TCTN3: variants seen among roughly 807,000 people sequenced by gnomAD.
The protein encoded by TCTN3 is tectonic family member 3, also known as tectonic-3.
A neutral mutation model predicts 71.3 loss-of-function variants in TCTN3; 57 were observed. The ratio of observed to expected loss-of-function variants is 0.80; its 90% CI spans 0.65 to 1.00. The LOEUF (loss-of-function observed/expected upper bound fraction) is 1.00, where lower values mean the gene tolerates loss of function less well. Ranked by LOEUF, TCTN3 falls within the 50% of genes least tolerant of loss-of-function variation. The probability of loss-of-function intolerance (pLI) is 0.00; values close to 1 mark genes in which losing one functional copy is unlikely to be tolerated. For missense variants in TCTN3, 696 were observed against 719.9 expected (o/e 0.97, Z 0.38); for synonymous variants, 258 against 267.8 (o/e 0.96, Z 0.36).
rs982781639 is a variant in TCTN3 at position 95,684,518 on chromosome 10, T to C, written c.1076A>G (p.His359Arg). The change falls in exon 9 of 14, where the codon CAC becomes CGC. Residue 359 changes from histidine to arginine, a missense_variant. Coordinates refer to ENST00000371217, the MANE Select transcript of TCTN3 (RefSeq NM_015631.6). ...TVEPGASLQQ[H>R]FILRFRAFQQ... ...CCTAACCCTGAAGCGAAGGATGAAG[T>C]GTTGCTGTAAGGAAGCGCCTGGCTC... The C allele has an allele frequency of 6.2e-7, 1 of 1,614,060 alleles. No individual in the cohort carries two copies. Among genetic ancestry groups the C allele is most frequent in the Admixed American group, 1.7e-5 (1 of 60,026 alleles).
chr10:95,666,886 C>T (rs1335047727), intron 13 of TCTN3, among the ~76,000 whole-genome samples: 1 of 152,176 alleles, frequency 6.6e-6, no homozygotes, highest in East Asian at 1.9e-4. Flanking sequence ...CACTGCTATA[C>T]ACCCAAATCA....
rs2139747284 is a variant in TCTN3, at chr10:95,686,521, T to C, written c.862A>G (p.Ser288Gly). The C allele has an allele frequency of 6.2e-7, 1 of 1,614,140 alleles. No homozygotes were observed. Among genetic ancestry groups the C allele is most frequent in the Non-Finnish European group, 8.5e-7 (1 of 1,180,010 alleles). ...YNFTVLKVPR[S>G]MTDPQNMEFQ... ...TCCATATTCTGTGGATCAGTCATGC[T>C]TCTTGGAACCTAGGAGAACAGCAGG... is the stretch of plus-strand genomic sequence containing the variant. Residue 288 changes from serine (S) to glycine (G), a missense_variant, in exon 7 of 14, where the codon AGC becomes GGC. Physicochemically the swap from Ser to Gly is moderately conservative, Grantham distance 56 (BLOSUM62 0). Transcript: ENST00000371217.
At chr10:95,692,394 T>C (rs1241538240) in intron 3 of TCTN3, among the ~76,000 whole-genome samples, 1 of 152,054 alleles carries the variant, frequency 6.6e-6, no homozygotes, top group African/African-American at 2.4e-5. Context: ...TAGTCCCAGC[T>C]ACTCGGGAAG....
chr10:95,691,134 G>A (rs2097953138), intron 3 of TCTN3, among the ~76,000 whole-genome samples: 1 of 152,116 alleles, frequency 6.6e-6, no homozygotes, highest in Non-Finnish European at 1.5e-5. Flanking sequence ...TCATAAGGCT[G>A]GATTTAAAAG....
In TCTN3 at chr10:95,693,656, C is replaced by T. The variant is rs2097955851; in HGVS notation, c.244G>A (p.Asp82Asn). 1 of 1,551,484 alleles carries T rather than the reference C, an allele frequency of 6.4e-7. No homozygotes were observed. The highest frequency in any genetic ancestry group is 2.4e-5 in the East Asian group (1 of 40,920). The change falls in exon 1 of 14, where the codon GAC (aspartate) becomes AAC (asparagine). Residue 82 changes from aspartate (D) to asparagine (N), a missense_variant. Transcript: ENST00000371217. ...TPSAPGNRTV[D>N]LFPVLPICVC... ...CGTTTTCCCTCACCTGGGAAGAGGT[C>T]CACAGTCCTATTCCCAGGGGCCGAG... is the stretch of plus-strand genomic sequence containing the variant.
chr10:95,665,444 A>G (rs573685060), intron 13 of TCTN3, among the ~76,000 whole-genome samples: 47 of 151,990 alleles, frequency 3.1e-4, no homozygotes, highest in African/African-American at 1.1e-3. Flanking sequence ...ATGCCTAGCT[A>G]ATTTTTTTGT....
At position 95,687,666 on chromosome 10, in the gene TCTN3, C is replaced by T. The variant is rs768360391; in HGVS notation, c.553G>A (p.Ala185Thr). Residue 185 changes from alanine (A) to threonine (T), a missense_variant, in exon 4 of 14, where the codon GCC becomes ACC. Physicochemically the swap from Ala to Thr is moderately conservative, Grantham distance 58. Transcript: ENST00000371217. ...TCGCCTCCAAACTCTGCAGCCAGGG[C>T]CTGGAAGTTGGTTGCATTGACCTTT... Reference protein sequence around the residue: ...LQKVNATNFQALAAEFGGESF... With the variant: ...LQKVNATNFQTLAAEFGGESF... The T allele has an allele frequency of 6.2e-7, 1 of 1,614,016 alleles. No individual in the cohort carries two copies. Among genetic ancestry groups the T allele is most frequent in the South Asian group, 1.1e-5 (1 of 91,070 alleles).
chr10:95,693,571 T>C (rs931383748), intron 1 of TCTN3, 73 bp downstream of exon 1: 2 of 1,547,404 alleles, frequency 1.3e-6, no homozygotes, highest in African/African-American at 1.4e-5. Flanking sequence ...TCCTGCTTTG[T>C]GGCAGCTCAA....
chr10:95,674,822 A>G (rs2097935280), intron 13 of TCTN3, among the ~76,000 whole-genome samples: 1 of 150,694 alleles, frequency 6.6e-6, no homozygotes, highest in African/African-American at 2.4e-5. Flanking sequence ...CCCCATCTCT[A>G]GAATGAATGA....
intron 13 of TCTN3, among the ~76,000 whole-genome samples, chr10:95,668,526 T>C (rs771760270): frequency 2.0e-5 from 3 of 152,156 alleles, no homozygotes; most frequent in Admixed American, 6.5e-5. Context: ...ATTTTCAATC[T>C]AGAATGTTCT....
At chr10:95,691,168 G>T (rs1479945509) in intron 3 of TCTN3, among the ~76,000 whole-genome samples, 1 of 152,114 alleles carries the variant, frequency 6.6e-6, no homozygotes. Context: ...TGGAAAAGAA[G>T]AGACAACTTT....
intron 3 of TCTN3, among the ~76,000 whole-genome samples, chr10:95,690,980 T>C (rs2097952973): frequency 6.6e-6 from 1 of 152,156 alleles, no homozygotes; most frequent in Non-Finnish European, 1.5e-5. Context: ...CTATTGGAAG[T>C]GGCCATATTC....
At chr10:95,671,075 A>G (rs1208925854) in intron 13 of TCTN3, among the ~76,000 whole-genome samples, 2 of 152,198 alleles carry the variant, frequency 1.3e-5, no homozygotes, top group Non-Finnish European at 2.9e-5. Context: ...TTGTGTTTTA[A>G]AAGTTATAGA....
At chr10:95,688,397 GAAAAAAAAAAA>G (rs60722894) in intron 3 of TCTN3, among the ~76,000 whole-genome samples, 2 of 104,592 alleles carry the variant, frequency 1.9e-5, no homozygotes, top group South Asian at 3.1e-4. Context: ...TCAAAAAAAA[GAAAAAAAAAAA>G]AAAAAAAAAA....
chr10:95,664,091 T>TC lies in TCTN3; in HGVS notation c.1799dup (p.Val601SerfsTer13). ...TTCACATAGTCTCTAGGTTGAGAACTCCAAGTAGTAAGAGGCACAGGATAA... is the reference window on the plus strand; with the variant it reads ...TTCACATAGTCTCTAGGTTGAGAACTCCCAAGTAGTAAGAGGCACAGGATAA... On this transcript the variant is annotated frameshift_variant, in exon 14 of 14. Coordinates refer to ENST00000371217, the MANE Select transcript of TCTN3 (RefSeq NM_015631.6). LOFTEE classifies it high-confidence loss of function. The TC allele has an allele frequency of 6.2e-7, 1 of 1,614,080 alleles. No homozygotes were observed. The highest frequency in any genetic ancestry group is 8.5e-7 in the Non-Finnish European group (1 of 1,179,998).
intron 13 of TCTN3, among the ~76,000 whole-genome samples, chr10:95,675,274 A>G (rs980051166): frequency 2.0e-5 from 3 of 151,976 alleles, no homozygotes; most frequent in Non-Finnish European, 4.4e-5. Flanking sequence ...TGTATTTTCA[A>G]TAGAGACAGG....
chr10:95,667,545 C>T (rs570872652), intron 13 of TCTN3, among the ~76,000 whole-genome samples: 6 of 152,210 alleles, frequency 3.9e-5, no homozygotes, highest in South Asian at 4.2e-4. Flanking sequence ...GATATCCCTT[C>T]AATGCAATCA....
intron 12 of TCTN3, among the ~76,000 whole-genome samples, chr10:95,682,196 G>GAA (rs1245971702): frequency 5.5e-5 from 5 of 90,328 alleles, no homozygotes; most frequent in African/African-American, 1.7e-4. Flanking sequence ...TCTTGACTTA[G>GAA]AAAAAAAAAA....
intron 13 of TCTN3, 91 bp downstream of exon 13, chr10:95,680,381 T>C (rs2097941681): frequency 2.7e-6 from 4 of 1,459,172 alleles, no homozygotes; most frequent in Non-Finnish European, 2.7e-6. Flanking sequence ...AATTAGCTCT[T>C]GGAAGGTAAA....
Sources: allele counts gnomAD v4.1 joint callset (sites outside exome capture counted in the v4.1 genomes callset), GRCh38; gene constraint gnomAD v4.1.1; transcripts MANE v1.5; gene names NCBI Gene and HGNC (gene_info 2026-07-23, HGNC 2026-07-21).